Variants in GRIN2A observed in about 807,000 individuals in gnomAD.
GRIN2A encodes the protein glutamate ionotropic receptor NMDA type subunit 2A, also known as glutamate receptor ionotropic, NMDA 2A.
In GRIN2A, 22 loss-of-function variants were observed where a neutral mutation model predicts 113.4. That is an observed-to-expected ratio of 0.19 (90% confidence interval 0.14 to 0.28). The LOEUF (loss-of-function observed/expected upper bound fraction) is 0.28. GRIN2A is among the 10% of genes least tolerant of loss of function. The pLI, the probability that GRIN2A is intolerant of heterozygous loss-of-function variation, is 1.00. For synonymous variants in GRIN2A, 827 were observed against 738.4 expected (o/e 1.12, Z -1.94); for missense variants, 1,502 against 1,887.0 (o/e 0.80, Z 3.78).
chr16:9,900,301 A>G (rs1228286695), intron 3 of GRIN2A, among the ~76,000 whole-genome samples: 1 of 152,190 alleles, frequency 6.6e-6, no homozygotes, highest in Non-Finnish European at 1.5e-5. Flanking sequence ...TTCAGAGCTC[A>G]CAGCACCCCC....
chr16:10,119,506 C>T (rs991542295), intron 2 of GRIN2A, among the ~76,000 whole-genome samples: 2 of 152,168 alleles, frequency 1.3e-5, no homozygotes, highest in Non-Finnish European at 2.9e-5. Flanking sequence ...CAAACAAAAG[C>T]TTCATTCAAG....
chr16:10,010,628 C>A (rs1406342458), intron 2 of GRIN2A, among the ~76,000 whole-genome samples: 2 of 152,108 alleles, frequency 1.3e-5, no homozygotes, highest in East Asian at 3.9e-4. Context: ...TGCTTCCCAC[C>A]GTTATTATTG....
chr16:10,134,065 G>A (rs1201551778), intron 2 of GRIN2A, among the ~76,000 whole-genome samples: 2 of 151,918 alleles, frequency 1.3e-5, no homozygotes, highest in Non-Finnish European at 1.5e-5. Flanking sequence ...GTATGGTGGT[G>A]CATGCCTGTA....
chr16:9,763,253 A>C lies in GRIN2A; in HGVS notation c.4291T>G (p.Tyr1431Asp). Residue 1431 changes from tyrosine (Y) to aspartate (D), a missense_variant, in exon 13 of 13, where the codon TAT becomes GAT. Physicochemically the swap from Tyr to Asp is radical, Grantham distance 160 (BLOSUM62 -3). Around this residue, in one of 7 missense-constraint regions of GRIN2A, gnomAD observed 832 missense variants for 789.7 expected, o/e 1.05. Coordinates refer to ENST00000330684, the MANE Select transcript of GRIN2A (RefSeq NM_001134407.3). ...TACATATTATTCTTATTTGCAGCAT[A>C]AGGCATAACATGCTCCGAAATATAC... is the stretch of plus-strand genomic sequence containing the variant. ...DVYISEHVMPYAANKNNMYST... is the reference protein window; with the variant it reads ...DVYISEHVMPDAANKNNMYST... 3 of 1,614,150 alleles carry C rather than the reference A, an allele frequency of 1.9e-6. No homozygotes were observed. The highest frequency in any genetic ancestry group is 1.7e-6 in the Non-Finnish European group (2 of 1,179,988).
chr16:9,773,519 C>G (rs188573900), intron 11 of GRIN2A, among the ~76,000 whole-genome samples: 12 of 152,210 alleles, frequency 7.9e-5, no homozygotes, highest in Non-Finnish European at 1.5e-5. Context: ...CAGACTCATT[C>G]TTGCTGGGAA....
intron 2 of GRIN2A, among the ~76,000 whole-genome samples, chr16:10,114,219 TA>T (rs1567308755): frequency 6.6e-6 from 1 of 151,952 alleles, no homozygotes; most frequent in Non-Finnish European, 1.5e-5. Context: ...AAATAAATTT[TA>T]AAAAACAAAT....
chr16:9,794,389 G>A (rs747067349), intron 11 of GRIN2A, among the ~76,000 whole-genome samples: 27 of 152,212 alleles, frequency 1.8e-4, no homozygotes, highest in Non-Finnish European at 3.4e-4. Flanking sequence ...CATTCTAGAG[G>A]ATGAATAATT....
chr16:10,161,684 T>C (rs1478764633), intron 2 of GRIN2A, among the ~76,000 whole-genome samples: 1 of 152,306 alleles, frequency 6.6e-6, no homozygotes, highest in Admixed American at 6.5e-5. Flanking sequence ...CTTTCTCTTA[T>C]GGCTCCAGAG....
intron 2 of GRIN2A, among the ~76,000 whole-genome samples, chr16:9,997,346 G>A (rs1163003563): frequency 1.4e-4 from 21 of 152,124 alleles, no homozygotes; most frequent in Non-Finnish European, 1.5e-5. Flanking sequence ...GTGATGATAG[G>A]TCCATCCAGA....
chr16:9,794,025 A>G (rs980903723), intron 11 of GRIN2A, among the ~76,000 whole-genome samples: 2 of 152,206 alleles, frequency 1.3e-5, no homozygotes, highest in Non-Finnish European at 2.9e-5. Context: ...TTCTCAGTAA[A>G]TGTTGGGTAT....
At chr16:10,133,807 G>A (rs1486718949) in intron 2 of GRIN2A, among the ~76,000 whole-genome samples, 2 of 152,044 alleles carry the variant, frequency 1.3e-5, no homozygotes, top group African/African-American at 2.4e-5. Context: ...ACAGGCATGG[G>A]ATATCAGTTA....
At chr16:10,111,517 G>T in intron 2 of GRIN2A, 1 of 727,644 alleles carries the variant, frequency 1.4e-6, no homozygotes, top group Admixed American at 1.8e-5. Flanking sequence ...AGATTTCATA[G>T]CTGATGAGGT....
intron 3 of GRIN2A, among the ~76,000 whole-genome samples, chr16:9,929,990 A>G (rs1318790349): frequency 1.3e-5 from 2 of 152,170 alleles, no homozygotes; most frequent in Admixed American, 6.5e-5. Context: ...ATTGGGTGCC[A>G]ATTGGAAATG....
intron 7 of GRIN2A, among the ~76,000 whole-genome samples, chr16:9,839,587 T>C (rs1447979997): frequency 2.0e-5 from 3 of 152,182 alleles, no homozygotes; most frequent in African/African-American, 7.2e-5. Flanking sequence ...TTATTTTCAC[T>C]CTTACATCTA....
At chr16:10,176,006 T>TG (rs1450715425) in intron 2 of GRIN2A, among the ~76,000 whole-genome samples, 2 of 148,324 alleles carry the variant, frequency 1.3e-5, no homozygotes, top group Non-Finnish European at 3.0e-5. Flanking sequence ...TTTCCTTCTT[T>TG]TTTTTTTTTT....
chr16:10,166,025 T>C (rs1278466668), intron 2 of GRIN2A, among the ~76,000 whole-genome samples: 1 of 152,182 alleles, frequency 6.6e-6, no homozygotes, highest in Non-Finnish European at 1.5e-5. Context: ...CCACAGCTTC[T>C]TCACATCGTT....
chr16:9,866,858 A>G (rs543278428), intron 4 of GRIN2A, among the ~76,000 whole-genome samples: 55 of 152,200 alleles, frequency 3.6e-4, no homozygotes, highest in Non-Finnish European at 6.8e-4. Flanking sequence ...TAAATTTAGA[A>G]CCTCCAGTCC....
intron 11 of GRIN2A, among the ~76,000 whole-genome samples, chr16:9,783,246 C>G (rs1259816601): frequency 1.3e-5 from 2 of 152,184 alleles, no homozygotes; most frequent in African/African-American, 2.4e-5. Context: ...GCTGCACTTT[C>G]CCCGTGGTTT....
intron 2 of GRIN2A, among the ~76,000 whole-genome samples, chr16:10,175,418 C>T (rs562205863): frequency 6.6e-6 from 1 of 152,238 alleles, no homozygotes; most frequent in East Asian, 1.9e-4. Context: ...ACCATATATA[C>T]TATAAAATCC....
Sources: allele counts gnomAD v4.1 joint callset (sites outside exome capture counted in the v4.1 genomes callset), GRCh38; gene constraint gnomAD v4.1.1; regional missense constraint gnomAD v4.1.1; transcripts MANE v1.5; gene names NCBI Gene and HGNC (gene_info 2026-07-23, HGNC 2026-07-21).